DAB1: variants seen among roughly 807,000 people sequenced by gnomAD.
DAB1 encodes the protein DAB adaptor protein 1.
DAB1 carries 15 observed loss-of-function variants against 64.6 expected under a neutral mutation model. The observed-to-expected ratio is 0.23, with a 90% CI of 0.16 to 0.36. The LOEUF (loss-of-function observed/expected upper bound fraction) is 0.36, where lower values mean the gene tolerates loss of function less well. Among genes scored for constraint, DAB1 ranks in the 10% least tolerant of loss-of-function variants. DAB1 has a pLI of 1.00. For missense variants in DAB1, 596 were observed against 706.7 expected (o/e 0.84, Z 1.78); for synonymous variants, 235 against 251.9 (o/e 0.93, Z 0.64).
intron 6 of DAB1, among the ~76,000 whole-genome samples, chr1:57,783,389 A>C (rs966889638): frequency 1.3e-5 from 2 of 152,090 alleles, no homozygotes; most frequent in Non-Finnish European, 2.9e-5. Flanking sequence ...GGCATGTGCC[A>C]CTGTACCTGG....
intron 5 of DAB1, chr1:58,060,262 C>T (rs182464724): frequency 1.3e-5 from 2 of 152,314 alleles, no homozygotes; most frequent in Admixed American, 1.3e-4. Context: ...AAGAAGAAAA[C>T]CAAAAGCCAA....
intron 7 of DAB1, among the ~76,000 whole-genome samples, chr1:57,639,006 G>T (rs1484585199): frequency 9.6e-6 from 1 of 104,552 alleles, no homozygotes; most frequent in Admixed American, 1.0e-4. Flanking sequence ...ACTTTATAAA[G>T]TTCTTCATAA....
chr1:57,391,810 CACAG>C (rs879556289), intron 1 of DAB1, among the ~76,000 whole-genome samples: 73 of 137,688 alleles, frequency 5.3e-4, no homozygotes, highest in Admixed American at 2.9e-3. Flanking sequence ...CACACACACA[CACAG>C]AGAGAGGAGA....
At chr1:57,568,813 CTT>C (rs1412160505) in intron 7 of DAB1, among the ~76,000 whole-genome samples, 6 of 152,158 alleles carry the variant, frequency 3.9e-5, no homozygotes, top group African/African-American at 1.4e-4. Context: ...AATAGGAACA[CTT>C]TTACACTGTT....
rs567244752 is a variant in DAB1, at chr1:57,288,995, T to C, written c.67+1969A>G. On this transcript the variant is annotated intron_variant, in intron 2 of 14. Coordinates refer to ENST00000371236, the MANE Select transcript of DAB1 (RefSeq NM_001365792.1). ...TTAAATACTTTCAAAGGTCACATTG[T>C]GAGAAAGTGGTAAAGCCAGAATTTG... is the stretch of plus-strand genomic sequence containing the variant. Among the ~76,000 whole-genome samples, 6 of 152,316 alleles carry C rather than the reference T, an allele frequency of 3.9e-5. No homozygotes were observed. In the South Asian group the frequency reaches 1.2e-3, roughly 32 times the overall value.
intron 7 of DAB1, among the ~76,000 whole-genome samples, chr1:57,478,629 G>T (rs2101230074): frequency 1.7e-5 from 2 of 114,784 alleles, no homozygotes; most frequent in East Asian, 2.5e-4. Context: ...GTCTCACTCT[G>T]TCACCCAGGC....
chr1:57,332,189 C>A (rs1451803685), intron 1 of DAB1, among the ~76,000 whole-genome samples: 3 of 151,900 alleles, frequency 2.0e-5, no homozygotes, highest in African/African-American at 7.2e-5. Context: ...GTCTTGAACT[C>A]CTGACCTCAA....
intron 5 of DAB1, among the ~76,000 whole-genome samples, chr1:58,012,690 C>A (rs12028704): frequency 6.6e-6 from 1 of 151,980 alleles, no homozygotes; most frequent in East Asian, 1.9e-4. Context: ...CATGAGAATA[C>A]GAGAAGATAA....
intron 2 of DAB1, among the ~76,000 whole-genome samples, chr1:57,249,126 C>T (rs1200036163): frequency 6.6e-6 from 1 of 152,014 alleles, no homozygotes; most frequent in East Asian, 1.9e-4. Flanking sequence ...GTTTTTTTGC[C>T]AGTGAGGAAC....
intron 1 of DAB1, among the ~76,000 whole-genome samples, chr1:57,310,823 G>A (rs574474256): frequency 4.2e-4 from 64 of 152,196 alleles, no homozygotes; most frequent in African/African-American, 1.5e-3. Context: ...GAGAGTTAAA[G>A]TTCTTACTCA....
intron 6 of DAB1, among the ~76,000 whole-genome samples, chr1:57,776,446 G>A (rs1039182780): frequency 5.3e-5 from 8 of 151,606 alleles, no homozygotes; most frequent in African/African-American, 1.7e-4. Context: ...ATTTAATGTA[G>A]TTACTGACAT....
intron 6 of DAB1, among the ~76,000 whole-genome samples, chr1:57,707,102 C>A (rs1646976732): frequency 6.6e-6 from 1 of 151,680 alleles, no homozygotes; most frequent in Non-Finnish European, 1.5e-5. Context: ...CAAAAAAACC[C>A]CCCAAAAAAC....
chr1:58,117,479 C>G (rs1250006049), intron 5 of DAB1, among the ~76,000 whole-genome samples: 1 of 152,190 alleles, frequency 6.6e-6, no homozygotes, highest in Non-Finnish European at 1.5e-5. Context: ...ACACTGCCAC[C>G]TCTTTCCACA....
chr1:57,496,004 A>G (rs563351103), intron 7 of DAB1, among the ~76,000 whole-genome samples: 1 of 152,296 alleles, frequency 6.6e-6, no homozygotes, highest in East Asian at 1.9e-4. Context: ...TGCTCAATAG[A>G]TGAATGACCA....
intron 5 of DAB1, among the ~76,000 whole-genome samples, chr1:58,079,733 T>C (rs1042140379): frequency 4.0e-5 from 6 of 151,806 alleles, no homozygotes; most frequent in Non-Finnish European, 5.9e-5. Flanking sequence ...CTTGGCCACG[T>C]TGACCTTGAA....
chr1:57,389,145 C>A (rs926423555), intron 1 of DAB1, among the ~76,000 whole-genome samples: 1 of 152,192 alleles, frequency 6.6e-6, no homozygotes, highest in Admixed American at 6.5e-5. Flanking sequence ...TTCTTGTTGT[C>A]ATTATCTTGG....
rs573161886 is a variant in DAB1, at chr1:57,156,054, G to A, written c.68-10625C>T. 5.0e-4 allele frequency among the ~76,000 whole-genome samples: 76 copies of A among 152,130 alleles called. No homozygotes were observed. In the South Asian group the frequency reaches 0.013, roughly 27 times the overall value. ...TAATGGATCATGGGGAACCCTGTAG[G>A]CTGCTGTCTTTAATGTGTAGCAGGG... On this transcript the variant is annotated intron_variant, in intron 2 of 14. Transcript: ENST00000371236.
intron 4 of DAB1, among the ~76,000 whole-genome samples, chr1:58,200,215 T>C (rs962241327): frequency 1.3e-5 from 2 of 152,088 alleles, no homozygotes; most frequent in Admixed American, 6.6e-5. Context: ...AGACTCAAAA[T>C]GATGGCATTA....
At chr1:57,777,141 CTTT>C (rs71051255) in intron 6 of DAB1, among the ~76,000 whole-genome samples, 10 of 90,396 alleles carry the variant, frequency 1.1e-4, no homozygotes, top group Non-Finnish European at 1.7e-4. Context: ...TTCTGAATTT[CTTT>C]TTTTTTTTTT....
Sources: allele counts gnomAD v4.1 joint callset (sites outside exome capture counted in the v4.1 genomes callset), GRCh38; gene constraint gnomAD v4.1.1; transcripts MANE v1.5; gene names NCBI Gene and HGNC (gene_info 2026-07-23, HGNC 2026-07-21).